CROCC: variants seen among roughly 807,000 people sequenced by gnomAD.
CROCC encodes the protein rootletin.
In CROCC, 180 loss-of-function variants were observed where a neutral mutation model predicts 245.2. That is an observed-to-expected ratio of 0.73 (90% CI 0.65 to 0.83). The LOEUF (loss-of-function observed/expected upper bound fraction) is 0.83, where lower values mean the gene tolerates loss of function less well. CROCC is among the 40% of genes least tolerant of loss of function. CROCC has a pLI of 0.00. For synonymous variants in CROCC, 1,205 were observed against 1,241.6 expected, an observed-to-expected ratio of 0.97 and a Z score of 0.62; for missense variants, 2,688 against 2,779.4, an observed-to-expected ratio of 0.97 and a Z score of 0.74.
intron 12 of CROCC, 28 bp from the exon 13 acceptor site, chr1:16,939,866 C>A (rs1284282251): frequency 6.2e-7 from 1 of 1,610,180 alleles, no homozygotes; most frequent in Admixed American, 1.7e-5. Flanking sequence ...TCAGGCCCCC[C>A]CAGACTCTGT....
At chr1:16,932,668 A>G (rs2075704202) in intron 8 of CROCC, among the ~76,000 whole-genome samples, 1 of 150,424 alleles carries the variant, frequency 6.6e-6, no homozygotes. Context: ...TGGAGGTGGG[A>G]GCCCATGGCA....
In CROCC at chr1:16,966,199, A is replaced by T; in HGVS notation, c.4696+80A>T. On this transcript the variant is annotated intron_variant, in intron 29 of 36. Transcript: ENST00000375541. The surrounding 1 kb of genome is among the most constrained non-coding windows in gnomAD (Gnocchi z 4.8). ...GCAGGAGCCGGGGGATTGGCCTCTG[A>T]CCTTGCCGTGGCCCCCATGACCTGA... 1 of 1,536,418 alleles carries T rather than the reference A, an allele frequency of 6.5e-7. No homozygotes were observed. The highest frequency in any genetic ancestry group is 1.4e-5 in the African/African-American group (1 of 73,420).
At chr1:16,946,521 G>T in intron 16 of CROCC, 116 bp downstream of exon 16, 1 of 1,419,136 alleles carries the variant, frequency 7.0e-7, no homozygotes, top group South Asian at 1.3e-5. Context: ...TCTGTCCCTG[G>T]TTCTCTGTCT....
upstream of CROCC, among the ~76,000 whole-genome samples, chr1:16,920,801 T>A (rs1427372062): frequency 1.1e-4 from 16 of 147,894 alleles, no homozygotes; most frequent in Non-Finnish European, 2.2e-4. Flanking sequence ...TGGAGTGCAA[T>A]GGCGCGATCT....
chr1:16,946,255 GC>G lies in CROCC; in HGVS notation c.2137-3del. The G allele has an allele frequency of 6.2e-7, 1 of 1,611,640 alleles. No individual in the cohort carries two copies. The highest frequency in any genetic ancestry group is 1.1e-5 in the South Asian group (1 of 90,850). The stretch of plus-strand genomic sequence containing the variant: ...TCCTCATTTCTCGGGGCCTGACCCT[GC>G]AGGCTGAGGCTGGCCGCGTGGAGCT... On this transcript the variant is annotated splice_polypyrimidine_tract_variant and splice_region_variant and intron_variant, in intron 15 of 36. Transcript: ENST00000375541.
At chr1:16,933,757 G>A (rs1047692396) in intron 8 of CROCC, among the ~76,000 whole-genome samples, 3 of 152,242 alleles carry the variant, frequency 2.0e-5, no homozygotes, top group Non-Finnish European at 4.4e-5. Flanking sequence ...GTAGAGATGG[G>A]GGCTTCACCA....
rs750904180 is a variant in CROCC at position 16,966,115 on chromosome 1, G to C, written c.4692G>C (p.Glu1564Asp). 6.2e-7 allele frequency: 1 copy of C among 1,610,528 alleles called. No individual in the cohort carries two copies. Among genetic ancestry groups the C allele is most frequent in the East Asian group, 2.2e-5 (1 of 44,774 alleles). ...TGCAGAAGGCGGTGGCTGAGAGTGA[G>C]GAAGGTGAGTCTGATCCTCGGGGTC... ...RQLQKAVAES[E>D]EARRSVDGRL... The change falls in exon 29 of 37, where the codon GAG (glutamate) becomes GAC (aspartate). Residue 1564 changes from glutamate (E) to aspartate (D), a missense_variant. By Grantham distance (45) the Glu-to-Asp change is conservative. Coordinates refer to ENST00000375541, the MANE Select transcript of CROCC (RefSeq NM_014675.5). The surrounding 1 kb of genome is among the most constrained non-coding windows in gnomAD (Gnocchi z 4.8).
At chr1:16,918,262 G>A (rs552570902), upstream of CROCC, among the ~76,000 whole-genome samples, 1 of 147,800 alleles carries the variant, frequency 6.8e-6, no homozygotes, top group Admixed American at 6.7e-5. Flanking sequence ...GCCAGATGCT[G>A]AAGCTGTTAG....
chr1:16,924,713 TAATAG>T (rs1198962338), intron 3 of CROCC, among the ~76,000 whole-genome samples: 2 of 152,278 alleles, frequency 1.3e-5, no homozygotes, highest in Non-Finnish European at 2.9e-5. Context: ...ATCAAGGAGA[TAATAG>T]AATAAAGTGC....
At chr1:16,914,753 T>C (rs2075285189) in intron 1 of CROCC, among the ~76,000 whole-genome samples, 1 of 152,082 alleles carries the variant, frequency 6.6e-6, no homozygotes, top group Non-Finnish European at 1.5e-5. Context: ...TTGAACGAGC[T>C]CCCTCCTGAT....
chr1:16,935,592 G>A (rs2075770887), intron 8 of CROCC, among the ~76,000 whole-genome samples: 1 of 152,244 alleles, frequency 6.6e-6, no homozygotes, highest in East Asian at 1.9e-4. Context: ...GGCTAATTTT[G>A]TTTTTGTATT....
chr1:16,932,065 C>A (rs548288836), intron 8 of CROCC, among the ~76,000 whole-genome samples: 1 of 152,238 alleles, frequency 6.6e-6, no homozygotes, highest in Non-Finnish European at 1.5e-5. Context: ...CAGCGCCAGG[C>A]CGAAGTTCCT....
intron 1 of CROCC, among the ~76,000 whole-genome samples, chr1:16,915,024 C>T (rs1186088062): frequency 6.6e-6 from 1 of 152,258 alleles, no homozygotes; most frequent in Admixed American, 6.5e-5. Context: ...CAGGAGTCAA[C>T]CCCTGGATCT....
rs1381630970 is a variant in CROCC at position 16,938,343 on chromosome 1, G to A, written c.1291-57G>A. 1.0e-5 allele frequency: 15 copies of A among 1,468,096 alleles called. No homozygotes were observed. In the East Asian group the frequency reaches 3.2e-4, roughly 31 times the overall value. 90.9% of individuals were successfully genotyped at this position (1,468,096 alleles called of 1,614,324 possible). On this transcript the variant is annotated intron_variant, in intron 10 of 36. Transcript: ENST00000375541. ...GTGGGCCAGGTAGGGAGGGAAAGGG[G>A]AGGTTTCAGATAAGACAGAACCCCA...
Position 16,966,282 on chromosome 1 carries a change from C to T in CROCC, c.4697-126C>T, listed in dbSNP as rs372375975. ...ACAGCCTCACCTGTGTGCAGGCCCG[C>T]ATACTACGAAGGGTGCAGACAGTCT... On this transcript the variant is annotated intron_variant, in intron 29 of 36. Transcript: ENST00000375541. The surrounding 1 kb of genome is among the most constrained non-coding windows in gnomAD (Gnocchi z 4.8). 2 of 1,425,226 alleles carry T rather than the reference C, an allele frequency of 1.4e-6. No homozygotes were observed. The highest frequency in any genetic ancestry group is 1.9e-6 in the Non-Finnish European group (2 of 1,077,750). The allele number at this position is 1,425,226 out of a possible 1,614,324, so 88.3% of individuals were successfully genotyped here.
rs1469998438 is a variant in CROCC at position 16,929,863 on chromosome 1, G to T, written c.369G>T (p.Arg123=). The change falls in exon 4 of 37, where the codon CGG becomes CGT. Residue 123 remains arginine, a synonymous_variant. Coordinates refer to ENST00000375541, the MANE Select transcript of CROCC (RefSeq NM_014675.5). ...CCCTGCAGCTGGAGCAGGCTCTGCG[G>T]CTGGAGCCTGGGGAGCTGGAGACGC... The part of the protein sequence containing the change: ...AVSERLEQAL[R]LEPGELETQE... 1.3e-6 allele frequency: 2 copies of T among 1,570,672 alleles called. No homozygotes were observed. The highest frequency in any genetic ancestry group is 1.2e-5 in the South Asian group (1 of 85,626).
chr1:16,919,981 T>C (rs1162373995), upstream of CROCC, among the ~76,000 whole-genome samples: 1 of 152,270 alleles, frequency 6.6e-6, no homozygotes, highest in African/African-American at 2.4e-5. Flanking sequence ...AACCTCCTCC[T>C]CCTGGGTTCA....
chr1:16,925,096 G>A (rs1477100788), intron 3 of CROCC, among the ~76,000 whole-genome samples: 1 of 152,288 alleles, frequency 6.6e-6, no homozygotes, highest in African/African-American at 2.4e-5. Context: ...TGCGAGGGGT[G>A]CGGGATGCTC....
At chr1:16,934,041 T>A (rs1360434607) in intron 8 of CROCC, among the ~76,000 whole-genome samples, 1 of 152,364 alleles carries the variant, frequency 6.6e-6, no homozygotes, top group East Asian at 1.9e-4. Context: ...CAGATTCAGG[T>A]TCTTCTGCTT....
Sources: gnomAD v4.1 joint callset for allele counts (sites outside exome capture counted in the v4.1 genomes callset) on GRCh38, gnomAD v4.1.1 for gene constraint, Gnocchi (gnomAD v3.1) non-coding constraint, MANE v1.5 for transcripts, NCBI Gene and HGNC (gene_info 2026-07-23, HGNC 2026-07-21) for gene names.